ADGRB1: variants seen among roughly 807,000 people sequenced by gnomAD.
The protein encoded by ADGRB1 is brain-specific angiogenesis inhibitor 1.
Under a neutral mutation model 175.7 loss-of-function variants are expected in ADGRB1, and 36 were observed. The ratio of observed to expected loss-of-function variants is 0.20; its 90% CI spans 0.16 to 0.27. ADGRB1 has a LOEUF of 0.27. Among genes scored for constraint, ADGRB1 ranks in the 10% least tolerant of loss-of-function variants. The pLI, the probability that ADGRB1 is intolerant of heterozygous loss-of-function variation, is 1.00. For synonymous variants in ADGRB1, 1,054 were observed against 979.4 expected, an observed-to-expected ratio of 1.08 and a Z score of -1.42; for missense variants, 1,731 against 2,255.3, an observed-to-expected ratio of 0.77 and a Z score of 4.71.
rs2132036089 is a variant in ADGRB1, at chr8:142,510,548, C to T, written c.2676-384C>T. 6.7e-6 allele frequency among the ~76,000 whole-genome samples: 1 copy of T among 149,684 alleles called. No individual in the cohort carries two copies. The highest frequency in any genetic ancestry group is 2.0e-4 in the East Asian group (1 of 5,036). ...GCCCACGCGCCCCTCCGGGCCTCCC[C>T]CTCCTTCCCGCGCGGGCCGGGGGCG... On this transcript the variant is annotated intron_variant, in intron 17 of 30. Transcript: ENST00000517894. This position sits in a 1 kb window ranked among gnomAD's most constrained non-coding sequence, Gnocchi z 6.3.
chr8:142,526,521 C>CCCCCCA, intron 23 of ADGRB1, 21 bp from the exon 24 acceptor site: 1 of 1,539,358 alleles, frequency 6.5e-7, no homozygotes, highest in Non-Finnish European at 8.9e-7. Context: ...CCCCACACCC[C>CCCCCCA]CACCACTCTC....
chr8:142,513,629 G>A (rs537493911), intron 18 of ADGRB1, among the ~76,000 whole-genome samples: 2 of 152,298 alleles, frequency 1.3e-5, no homozygotes, highest in South Asian at 4.1e-4. Context: ...CCGCCCAGGT[G>A]GAAAGGAGGA....
intron 24 of ADGRB1, among the ~76,000 whole-genome samples, chr8:142,529,128 G>C (rs1272692186): frequency 2.6e-5 from 4 of 152,242 alleles, no homozygotes; most frequent in Non-Finnish European, 5.9e-5. Flanking sequence ...ACTGGCCCTG[G>C]CCTGCCTGAT....
At chr8:142,529,608 G>C (rs1293456681) in intron 24 of ADGRB1, among the ~76,000 whole-genome samples, 1 of 151,868 alleles carries the variant, frequency 6.6e-6, no homozygotes, top group Non-Finnish European at 1.5e-5. Flanking sequence ...ATGTGTGTGA[G>C]TGCAACCCAG....
In ADGRB1 at chr8:142,518,131, C is replaced by T; in HGVS notation, c.2818-7C>T. The T allele has an allele frequency of 1.2e-6, 2 of 1,613,338 alleles. No homozygotes were observed. Among genetic ancestry groups the T allele is most frequent in the African/African-American group, 1.3e-5 (1 of 75,006 alleles). On this transcript the variant is annotated splice_region_variant and splice_polypyrimidine_tract_variant and intron_variant, in intron 18 of 30. Transcript: ENST00000517894. ...CACTCCCTGCGGTCTCTTCCCGGTC[C>T]CCACAGAACATGGAGAAGGCGACTC...
At chr8:142,479,521 G>A (rs1240967530) in intron 8 of ADGRB1, 34 bp downstream of exon 8, 2 of 1,524,358 alleles carry the variant, frequency 1.3e-6, no homozygotes, top group Non-Finnish European at 1.8e-6. Context: ...GGGCTCTGGG[G>A]AGGGCTGATG....
At position 142,504,993 on chromosome 8, in the gene ADGRB1, C is replaced by G. The variant is rs376806070; in HGVS notation, c.2676-5939C>G. Among the ~76,000 whole-genome samples, 1 of 145,636 alleles carries G rather than the reference C, an allele frequency of 6.9e-6. No individual in the cohort carries two copies. The highest frequency in any genetic ancestry group is 1.5e-5 in the Non-Finnish European group (1 of 67,244). ...CAAGGGGACCCCGACAGCGCACAGT[C>G]CCATAATAGCACCTGCTTCGTGGGC... On this transcript the variant is annotated intron_variant, in intron 17 of 30. Transcript: ENST00000517894. The surrounding 1 kb of genome is among the most constrained non-coding windows in gnomAD (Gnocchi z 5.6).
intron 17 of ADGRB1, among the ~76,000 whole-genome samples, chr8:142,507,576 C>A (rs1049465389): frequency 1.3e-5 from 2 of 152,232 alleles, no homozygotes; most frequent in African/African-American, 4.8e-5. Context: ...CCCTGGGGGC[C>A]GGGTGCTGGC....
chr8:142,525,855 C>T (rs537752323), intron 23 of ADGRB1, among the ~76,000 whole-genome samples: 1 of 152,136 alleles, frequency 6.6e-6, no homozygotes, highest in East Asian at 1.9e-4. Context: ...CCTCAGGGAG[C>T]CTCTGGCAGT....
chr8:142,509,767 CAGA>C (rs1294497747), intron 17 of ADGRB1, among the ~76,000 whole-genome samples: 1 of 152,240 alleles, frequency 6.6e-6, no homozygotes, highest in Non-Finnish European at 1.5e-5. Flanking sequence ...GCCGTGGGTT[CAGA>C]AGGAGACCAG....
intron 13 of ADGRB1, among the ~76,000 whole-genome samples, chr8:142,487,531 C>G (rs1841733245): frequency 6.6e-6 from 1 of 152,208 alleles, no homozygotes; most frequent in Non-Finnish European, 1.5e-5. Flanking sequence ...CATGCCCTCT[C>G]CTCCTCTCCC....
At position 142,510,233 on chromosome 8, in the gene ADGRB1, C is replaced by A. The variant is rs1171659229; in HGVS notation, c.2676-699C>A. ...GTGCTCAGATGAAAAGCGGGGCAGT[C>A]GCGGCCCGTAGACAGCGGGCGGCTG... is the stretch of plus-strand genomic sequence containing the variant. On this transcript the variant is annotated intron_variant, in intron 17 of 30. Coordinates refer to ENST00000517894, the MANE Select transcript of ADGRB1 (RefSeq NM_001702.3). The surrounding 1 kb of genome is among the most constrained non-coding windows in gnomAD (Gnocchi z 6.3). Among the ~76,000 whole-genome samples the A allele has an allele frequency of 1.3e-5, 2 of 152,072 alleles. No homozygotes were observed. Among genetic ancestry groups the A allele is most frequent in the Admixed American group, 1.3e-4 (2 of 15,290 alleles).
intron 11 of ADGRB1, among the ~76,000 whole-genome samples, chr8:142,481,926 G>T (rs1291928873): frequency 6.8e-6 from 1 of 147,928 alleles, no homozygotes; most frequent in East Asian, 2.1e-4. Flanking sequence ...GCTGAGCCCT[G>T]ACCCTGGTCA....
chr8:142,454,530 C>T (rs1374355157), intron 1 of ADGRB1, among the ~76,000 whole-genome samples: 4 of 152,146 alleles, frequency 2.6e-5, no homozygotes, highest in African/African-American at 9.7e-5. Context: ...ACAGACCGCA[C>T]GATCCAGAAG....
chr8:142,529,940 G>A (rs563977614), intron 24 of ADGRB1, among the ~76,000 whole-genome samples: 2 of 150,868 alleles, frequency 1.3e-5, no homozygotes, highest in South Asian at 2.1e-4. Context: ...CTGTGAGCGT[G>A]CATCTGTGTG....
chr8:142,478,625 C>T (rs1841136938), intron 7 of ADGRB1, among the ~76,000 whole-genome samples: 1 of 129,986 alleles, frequency 7.7e-6, no homozygotes, highest in Non-Finnish European at 1.6e-5. Flanking sequence ...GTGGGGTGCA[C>T]AGTGGGACTT....
chr8:142,543,317 C>T lies in ADGRB1; in HGVS notation c.4414-86C>T. On this transcript the variant is annotated intron_variant, in intron 28 of 30. Transcript: ENST00000517894. The surrounding 1 kb of genome is among the most constrained non-coding windows in gnomAD (Gnocchi z 4.4). ...GAAGGCAGGCATGGGGCGAGTGAGT[C>T]CCTGATGCCCTCAGTCTGAGGCAGG... The T allele has an allele frequency of 1.3e-6, 2 of 1,559,624 alleles. No individual in the cohort carries two copies. Among genetic ancestry groups the T allele is most frequent in the Non-Finnish European group, 1.8e-6 (2 of 1,141,458 alleles).
chr8:142,520,744 C>G (rs1020283619), intron 19 of ADGRB1, 79 bp from the exon 20 acceptor site: 119 of 1,304,500 alleles, frequency 9.1e-5, no homozygotes, highest in Non-Finnish European at 1.2e-4. Context: ...GGGCTCTGGT[C>G]TTGGTGCCAC....
chr8:142,482,121 C>A (rs1231791101), intron 11 of ADGRB1, among the ~76,000 whole-genome samples: 1 of 149,504 alleles, frequency 6.7e-6, no homozygotes, highest in African/African-American at 2.5e-5. Context: ...CACTCTGAGT[C>A]CTGACCCTTG....
Sources: allele counts gnomAD v4.1 joint callset (sites outside exome capture counted in the v4.1 genomes callset), GRCh38; gene constraint gnomAD v4.1.1; non-coding constraint Gnocchi (gnomAD v3.1); transcripts MANE v1.5; gene names NCBI Gene and HGNC (gene_info 2026-07-23, HGNC 2026-07-21).